Variants in P3H2 observed in about 807,000 individuals in gnomAD.
P3H2 encodes leprecan-like 1.
In P3H2, 80 loss-of-function variants were observed where a neutral mutation model predicts 87.0. The observed-to-expected ratio is 0.92, with a 90% CI of 0.77 to 1.11. The LOEUF (loss-of-function observed/expected upper bound fraction) is 1.11, where lower values mean the gene tolerates loss of function less well. P3H2 is among the 50% of genes least tolerant of loss of function. The pLI is 0.00. For missense variants in P3H2, 1,001 were observed against 923.9 expected, an observed-to-expected ratio of 1.08 and a Z score of -1.08; for synonymous variants, 367 against 359.3, an observed-to-expected ratio of 1.02 and a Z score of -0.24.
At position 190,007,906 on chromosome 3, in the gene P3H2, T is replaced by C. The variant is rs1724437333; in HGVS notation, c.481-12464A>G. ...ACTCTTTCGGCCAAAAACCTTCTAG[T>C]CTGCTTCAGACTGGCTCAAAAAACT... On this transcript the variant is annotated intron_variant, in intron 1 of 14. Transcript: ENST00000319332. 2.9e-5 allele frequency among the ~76,000 whole-genome samples: 4 copies of C among 139,760 alleles called. No individual in the cohort carries two copies. The Admixed American group carries it at 3.0e-4, about 11-fold the overall frequency. 91.7% of individuals were successfully genotyped at this position (139,760 alleles called of 152,430 possible). A position where few individuals can be genotyped will look rare whatever the true frequency, so the allele number is the denominator to read the frequency against.
chr3:190,069,762 TAG>T (rs1726632832), intron 1 of P3H2, among the ~76,000 whole-genome samples: 1 of 152,092 alleles, frequency 6.6e-6, no homozygotes, highest in African/African-American at 2.4e-5. Flanking sequence ...GAAAGTGAAA[TAG>T]TGCTAACAGG....
At chr3:190,030,995 T>A (rs995743079) in intron 1 of P3H2, among the ~76,000 whole-genome samples, 20 of 152,210 alleles carry the variant, frequency 1.3e-4, no homozygotes, top group African/African-American at 4.8e-4. Context: ...GAATGCTTTT[T>A]CAAGTTATAT....
rs1560350079 is a variant in P3H2 at position 189,987,642 on chromosome 3, C to T, written c.983G>A (p.Cys328Tyr). ...RVGEYVKALE[C>Y]AKAYLLCHPD... ...ATGGCATAGAAGATAGGCTTTGGCA[C>T]ACTCCAGGGCTTTCACATACTCACC... The change falls in exon 5 of 15, where the codon TGT (cysteine) becomes TAT (tyrosine). Residue 328 changes from cysteine to tyrosine, a missense_variant. By Grantham distance (194) the Cys-to-Tyr change is radical. Coordinates refer to ENST00000319332, the MANE Select transcript of P3H2 (RefSeq NM_018192.4). 1 of 1,614,152 alleles carries T rather than the reference C, an allele frequency of 6.2e-7. No individual in the cohort carries two copies.
At chr3:190,079,616 G>A (rs1234809815) in intron 1 of P3H2, among the ~76,000 whole-genome samples, 1 of 152,108 alleles carries the variant, frequency 6.6e-6, no homozygotes, top group Non-Finnish European at 1.5e-5. Context: ...CCAAAACACA[G>A]AGACACTGCC....
At chr3:190,075,504 A>C (rs1726844131) in intron 1 of P3H2, among the ~76,000 whole-genome samples, 2 of 152,028 alleles carry the variant, frequency 1.3e-5, no homozygotes, top group Admixed American at 6.5e-5. Flanking sequence ...AAAAGAAAAA[A>C]AGAAAGAAAA....
chr3:190,107,078 C>A (rs1711870175), intron 1 of P3H2, among the ~76,000 whole-genome samples: 2 of 152,204 alleles, frequency 1.3e-5, no homozygotes, highest in Middle Eastern at 3.4e-3. Flanking sequence ...CAGGTTTCTT[C>A]AAAATCTGTT....
intron 1 of P3H2, among the ~76,000 whole-genome samples, chr3:190,049,498 T>C (rs1456023187): frequency 6.6e-6 from 1 of 152,226 alleles, no homozygotes; most frequent in Non-Finnish European, 1.5e-5. Flanking sequence ...TGAGTGGTTG[T>C]TGATATGTGA....
chr3:190,109,068 C>T (rs1711965697), intron 1 of P3H2, among the ~76,000 whole-genome samples: 1 of 152,188 alleles, frequency 6.6e-6, no homozygotes, highest in Admixed American at 6.5e-5. Flanking sequence ...ACTAATTATA[C>T]AACATAGATA....
At chr3:189,987,231 T>C (rs1161462948) in intron 5 of P3H2, among the ~76,000 whole-genome samples, 1 of 152,054 alleles carries the variant, frequency 6.6e-6, no homozygotes, top group Non-Finnish European at 1.5e-5. Context: ...TCCCAGCACT[T>C]TGGGAGGACG....
At chr3:190,089,285 G>A (rs946180248) in intron 1 of P3H2, among the ~76,000 whole-genome samples, 5 of 152,186 alleles carry the variant, frequency 3.3e-5, no homozygotes, top group East Asian at 3.8e-4. Flanking sequence ...GAGTTAATGG[G>A]TGCAGCACAC....
At chr3:190,083,852 A>G (rs1046147179) in intron 1 of P3H2, among the ~76,000 whole-genome samples, 2 of 152,236 alleles carry the variant, frequency 1.3e-5, no homozygotes, top group African/African-American at 4.8e-5. Context: ...TGTGTCTGAC[A>G]GAGTAATGTT....
chr3:190,082,239 G>A (rs1379965785), intron 1 of P3H2, among the ~76,000 whole-genome samples: 1 of 152,108 alleles, frequency 6.6e-6, no homozygotes, highest in East Asian at 1.9e-4. Context: ...CTGAGTGACA[G>A]AACAACATTC....
At chr3:190,056,300 T>A (rs1364317015) in intron 1 of P3H2, among the ~76,000 whole-genome samples, 2 of 152,188 alleles carry the variant, frequency 1.3e-5, no homozygotes, top group East Asian at 3.9e-4. Context: ...CAGCCCAAGC[T>A]AATACAGCTT....
At chr3:189,974,491 G>A in intron 9 of P3H2, 67 bp downstream of exon 9, 1 of 1,603,102 alleles carries the variant, frequency 6.2e-7, no homozygotes, top group Non-Finnish European at 8.5e-7. Flanking sequence ...ATGAGACCAG[G>A]ACCAAAGCAG....
At chr3:189,974,750 C>A in intron 8 of P3H2, 65 bp from the exon 9 acceptor site, 3 of 1,596,178 alleles carry the variant, frequency 1.9e-6, no homozygotes, top group South Asian at 1.1e-5. Flanking sequence ...CACAGAATAC[C>A]AAACAGCTTT....
intron 1 of P3H2, among the ~76,000 whole-genome samples, chr3:190,000,856 G>T (rs968737545): frequency 1.3e-5 from 2 of 151,988 alleles, no homozygotes; most frequent in African/African-American, 2.4e-5. Flanking sequence ...TGTTAAGGAG[G>T]GATATAATCA....
intron 1 of P3H2, among the ~76,000 whole-genome samples, chr3:190,108,179 T>G (rs1170343922): frequency 6.6e-6 from 1 of 152,018 alleles, no homozygotes; most frequent in African/African-American, 2.4e-5. Context: ...TGAGACATGG[T>G]CTTGCTCTGT....
At chr3:190,098,850 T>C (rs150560831) in intron 1 of P3H2, among the ~76,000 whole-genome samples, 1 of 152,320 alleles carries the variant, frequency 6.6e-6, no homozygotes, top group East Asian at 1.9e-4. Context: ...TCTTAATAAT[T>C]ATGACATTCT....
intron 3 of P3H2, among the ~76,000 whole-genome samples, chr3:189,989,768 C>A (rs1007951639): frequency 6.6e-6 from 1 of 152,118 alleles, no homozygotes; most frequent in African/African-American, 2.4e-5. Flanking sequence ...TCTCTTCACT[C>A]CCCTTTCTAT....
Sources: allele counts gnomAD v4.1 joint callset (sites outside exome capture counted in the v4.1 genomes callset), GRCh38; gene constraint gnomAD v4.1.1; transcripts MANE v1.5; gene names NCBI Gene and HGNC (gene_info 2026-07-23, HGNC 2026-07-21).